The following ELAVL2 variants were observed in gnomAD, a reference collection of about 807,000 sequenced individuals.
ELAVL2 encodes ELAV-like protein 2.
In ELAVL2, 4 loss-of-function variants were observed where a neutral mutation model predicts 34.6. That is an observed-to-expected ratio of 0.12 (90% confidence interval 0.06 to 0.26). ELAVL2 has a LOEUF of 0.26. ELAVL2 is among the 10% of genes least tolerant of loss of function. ELAVL2 has a pLI of 1.00. For missense variants in ELAVL2, 432 were observed against 442.8 expected, an observed-to-expected ratio of 0.98 and a Z score of 0.22; for synonymous variants, 193 against 154.8, an observed-to-expected ratio of 1.25 and a Z score of -1.83.
chr9:23,767,930 A>T (rs937455778), intron 1 of ELAVL2, among the ~76,000 whole-genome samples: 1 of 152,176 alleles, frequency 6.6e-6, no homozygotes. Flanking sequence ...AGGGCTGCTG[A>T]AAGGGCCAAT....
chr9:23,741,244 G>A (rs887382573), intron 2 of ELAVL2, among the ~76,000 whole-genome samples: 2 of 152,060 alleles, frequency 1.3e-5, no homozygotes, highest in Non-Finnish European at 2.9e-5. Flanking sequence ...AGCATACTAC[G>A]CTGAACGTAA....
At chr9:23,720,650 C>T (rs752817461) in intron 3 of ELAVL2, among the ~76,000 whole-genome samples, 1 of 152,164 alleles carries the variant, frequency 6.6e-6, no homozygotes, top group African/African-American at 2.4e-5. Context: ...AAATCCAGCA[C>T]TATATTCATT....
chr9:23,774,213 CAAAAAAAAAAAAAA>C (rs57247631), intron 1 of ELAVL2, among the ~76,000 whole-genome samples: 3 of 61,452 alleles, frequency 4.9e-5, no homozygotes, highest in Non-Finnish European at 8.8e-5. Context: ...GACTCCATCT[CAAAAAAAAAAAAAA>C]AAAAAAAAAA....
the ELAVL2 span, among the ~76,000 whole-genome samples, chr9:23,835,939 C>T: frequency 6.6e-6 from 1 of 152,194 alleles, no homozygotes; most frequent in African/African-American, 2.4e-5. Flanking sequence ...AATTGACCCA[C>T]TCAAGGTCAA....
At chr9:23,725,276 T>G (rs886695053) in intron 3 of ELAVL2, among the ~76,000 whole-genome samples, 1 of 152,160 alleles carries the variant, frequency 6.6e-6, no homozygotes, top group African/African-American at 2.4e-5. Flanking sequence ...CACACTTCTA[T>G]AACGCATAAC....
chr9:23,821,858 G>T (rs939243156), intron 1 of ELAVL2: 1 of 151,424 alleles, frequency 6.6e-6, no homozygotes, highest in African/African-American at 2.4e-5. Flanking sequence ...TAGCGGGGCG[G>T]GAAGGAGGGG....
chr9:23,756,437 G>T (rs2135792183), intron 2 of ELAVL2, among the ~76,000 whole-genome samples: 1 of 152,218 alleles, frequency 6.6e-6, no homozygotes, highest in Non-Finnish European at 1.5e-5. Flanking sequence ...GAGAGTAATG[G>T]TGAAATACTC....
intron 1 of ELAVL2, among the ~76,000 whole-genome samples, chr9:23,807,093 C>A (rs2062334756): frequency 6.6e-6 from 1 of 152,060 alleles, no homozygotes; most frequent in African/African-American, 2.4e-5. Flanking sequence ...AAAAGGCATG[C>A]AAAGTTTTTA....
rs2037219780 is a variant in ELAVL2, at chr9:23,701,532, T to C, written c.560A>G (p.Asn187Ser). ...CGTGGCACCGGGAGGTTTCTGGCCA[T>C]TTAGGCCTTTGATAGCTTCTTCTGC... ...IEAEEAIKGL[N>S]GQKPPGATEP... The change falls in exon 5 of 7, where the codon AAT (asparagine) becomes AGT (serine). Residue 187 changes from asparagine to serine, a missense_variant. By Grantham distance (46) the Asn-to-Ser change is conservative. Transcript: ENST00000397312. 5 of 1,614,110 alleles carry C rather than the reference T, an allele frequency of 3.1e-6. No homozygotes were observed. Among genetic ancestry groups the C allele is most frequent in the Non-Finnish European group, 4.2e-6 (5 of 1,179,998 alleles).
the ELAVL2 span, among the ~76,000 whole-genome samples, chr9:23,846,485 A>C: frequency 8.0e-4 from 121 of 152,156 alleles, 1 homozygote; most frequent in Middle Eastern, 3.4e-3. Flanking sequence ...TTAGTCATTA[A>C]GATTTTTAAA....
chr9:23,693,544 A>C (rs2033978247), intron 5 of ELAVL2, 58 bp from the exon 6 acceptor site: 1 of 1,604,144 alleles, frequency 6.2e-7, no homozygotes, highest in Non-Finnish European at 8.5e-7. Context: ...GATGTTCAAG[A>C]AAGTTGGGCT....
intron 2 of ELAVL2, among the ~76,000 whole-genome samples, chr9:23,760,513 GT>G (rs2054723925): frequency 6.6e-6 from 1 of 151,960 alleles, no homozygotes; most frequent in Non-Finnish European, 1.5e-5. Context: ...TTTAAAACAT[GT>G]TAAAAAGATG....
At chr9:23,763,054 C>T (rs1333369166) in intron 1 of ELAVL2, among the ~76,000 whole-genome samples, 4 of 152,042 alleles carry the variant, frequency 2.6e-5, no homozygotes, top group East Asian at 1.9e-4. Flanking sequence ...TTCTCCTTGA[C>T]TCTGCTTTTT....
chr9:23,724,525 T>C (rs539726963), intron 3 of ELAVL2, among the ~76,000 whole-genome samples: 1 of 152,260 alleles, frequency 6.6e-6, no homozygotes, highest in African/African-American at 2.4e-5. Context: ...TCTGGGCTTT[T>C]TGTATGAAAA....
At chr9:23,770,660 G>A (rs894034607) in intron 1 of ELAVL2, among the ~76,000 whole-genome samples, 3 of 152,144 alleles carry the variant, frequency 2.0e-5, no homozygotes, top group Non-Finnish European at 4.4e-5. Context: ...AGCTGCAAAA[G>A]GCAAGGAAAC....
intron 1 of ELAVL2, among the ~76,000 whole-genome samples, chr9:23,818,783 C>G (rs1204657280): frequency 6.6e-6 from 1 of 152,256 alleles, no homozygotes; most frequent in Non-Finnish European, 1.5e-5. Context: ...TGCTACCATG[C>G]AGACAAGTCA....
At position 23,805,344 on chromosome 9, in the gene ELAVL2, C is replaced by T. The variant is rs551571254; in HGVS notation, c.-16+20462G>A. On this transcript the variant is annotated intron_variant, in intron 1 of 6. Coordinates refer to ENST00000397312, the MANE Select transcript of ELAVL2 (RefSeq NM_004432.5). ...AGTCTACCATTTGAGAGAGTGGATA[C>T]TAACAAGAGATATGATTTGCTAAGC... Among the ~76,000 whole-genome samples, 40 of 152,222 alleles carry T rather than the reference C, an allele frequency of 2.6e-4. No homozygotes were observed. The South Asian group carries it at 6.0e-3, about 23-fold the overall frequency.
chr9:23,779,977 CT>C (rs2058818065), intron 1 of ELAVL2, among the ~76,000 whole-genome samples: 1 of 66,348 alleles, frequency 1.5e-5, no homozygotes, highest in Non-Finnish European at 2.6e-5. Context: ...GATAGTGTTC[CT>C]TAAAAAAAAA....
chr9:23,766,367 A>G (rs575216827), intron 1 of ELAVL2, among the ~76,000 whole-genome samples: 2 of 152,190 alleles, frequency 1.3e-5, no homozygotes, highest in African/African-American at 2.4e-5. Flanking sequence ...AAGATTTTTC[A>G]TAAGAACCCA....
Sources: gnomAD v4.1 joint callset for allele counts (sites outside exome capture counted in the v4.1 genomes callset) on GRCh38, gnomAD v4.1.1 for gene constraint, MANE v1.5 for transcripts, NCBI Gene and HGNC (gene_info 2026-07-23, HGNC 2026-07-21) for gene names.